Variants in SLC8A3 observed in about 807,000 individuals in gnomAD.
The protein encoded by SLC8A3 is solute carrier family 8 member A3, also known as sodium/calcium exchanger 3.
Under a neutral mutation model 65.4 loss-of-function variants are expected in SLC8A3, and 37 were observed. That is an observed-to-expected ratio of 0.57 (90% confidence interval 0.44 to 0.74). The LOEUF (loss-of-function observed/expected upper bound fraction) is 0.74, where lower values mean the gene tolerates loss of function less well. Ranked by LOEUF, SLC8A3 falls within the 30% of genes least tolerant of loss-of-function variation. The probability of loss-of-function intolerance (pLI) is 0.00; values close to 1 mark genes in which losing one functional copy is unlikely to be tolerated. For synonymous variants in SLC8A3, 461 were observed against 444.5 expected (o/e 1.04, Z -0.47); for missense variants, 1,112 against 1,172.1 (o/e 0.95, Z 0.75).
At chr14:70,055,737 A>G in intron 3 of SLC8A3, 1 of 1,512,820 alleles carries the variant, frequency 6.6e-7, no homozygotes, top group Non-Finnish European at 9.0e-7. Flanking sequence ...TTGGTCTTAA[A>G]CCAAATAATG....
intron 2 of SLC8A3, among the ~76,000 whole-genome samples, chr14:70,129,735 A>C (rs1373477561): frequency 6.6e-6 from 1 of 152,190 alleles, no homozygotes; most frequent in Non-Finnish European, 1.5e-5. Flanking sequence ...CAGTGGTCTT[A>C]CTTAGAAAAC....
chr14:70,122,222 T>G (rs2140186336), intron 2 of SLC8A3, among the ~76,000 whole-genome samples: 1 of 152,302 alleles, frequency 6.6e-6, no homozygotes, highest in Middle Eastern at 3.4e-3. Flanking sequence ...CGTTTATTGC[T>G]CCCACTCCCA....
At chr14:70,063,573 G>A (rs4902771) in intron 2 of SLC8A3, among the ~76,000 whole-genome samples, 13,181 of 152,196 alleles carry the variant, frequency 0.087, 979 homozygotes, top group East Asian at 0.41. Context: ...AATTACCATC[G>A]GTCTTGAGCA....
At chr14:70,115,331 A>G (rs1029948070) in intron 2 of SLC8A3, among the ~76,000 whole-genome samples, 4 of 152,204 alleles carry the variant, frequency 2.6e-5, no homozygotes, top group African/African-American at 9.6e-5. Flanking sequence ...ATAAAGTGCT[A>G]AAGAAATTAC....
intron 1 of SLC8A3, among the ~76,000 whole-genome samples, chr14:70,174,156 T>C (rs1897719785): frequency 6.6e-6 from 1 of 152,196 alleles, no homozygotes; most frequent in Non-Finnish European, 1.5e-5. Context: ...GCTTGACACA[T>C]ACCCTAGGTT....
At chr14:70,140,023 G>A (rs550900229) in intron 2 of SLC8A3, among the ~76,000 whole-genome samples, 2 of 150,342 alleles carry the variant, frequency 1.3e-5, no homozygotes, top group Non-Finnish European at 2.9e-5. Context: ...TTGTGGTTTT[G>A]CCATGACTTT....
intron 1 of SLC8A3, among the ~76,000 whole-genome samples, chr14:70,183,960 C>A (rs1481123227): frequency 6.6e-6 from 1 of 152,192 alleles, no homozygotes; most frequent in Non-Finnish European, 1.5e-5. Context: ...CCCAGCAAGC[C>A]TTTGTCTCCT....
At chr14:70,180,015 G>T (rs1201552851) in intron 1 of SLC8A3, among the ~76,000 whole-genome samples, 1 of 152,178 alleles carries the variant, frequency 6.6e-6, no homozygotes, top group Non-Finnish European at 1.5e-5. Context: ...GCAACTGAAA[G>T]GAAGTCAGGG....
chr14:70,171,836 G>A (rs1261760095), intron 1 of SLC8A3, among the ~76,000 whole-genome samples: 2 of 151,438 alleles, frequency 1.3e-5, no homozygotes, highest in Non-Finnish European at 1.5e-5. Context: ...GCAAGGCGGT[G>A]AGATGGCTAG....
At chr14:70,147,584 G>C (rs1489337748) in intron 2 of SLC8A3, among the ~76,000 whole-genome samples, 1 of 152,148 alleles carries the variant, frequency 6.6e-6, no homozygotes, top group Non-Finnish European at 1.5e-5. Flanking sequence ...TTGACTTTAA[G>C]GGAAACTGTC....
At chr14:70,102,218 G>A (rs1892593741) in intron 2 of SLC8A3, among the ~76,000 whole-genome samples, 1 of 152,188 alleles carries the variant, frequency 6.6e-6, no homozygotes, top group Non-Finnish European at 1.5e-5. Flanking sequence ...AGAAATAAAT[G>A]TGATAGAAGT....
chr14:70,176,369 T>C (rs1398771370), intron 1 of SLC8A3, among the ~76,000 whole-genome samples: 2 of 152,220 alleles, frequency 1.3e-5, no homozygotes, highest in East Asian at 1.9e-4. Flanking sequence ...TGAATAACCA[T>C]GGAGTTCTAA....
chr14:70,151,512 G>A (rs1350996223), intron 2 of SLC8A3, among the ~76,000 whole-genome samples: 1 of 62,912 alleles, frequency 1.6e-5, no homozygotes, highest in Non-Finnish European at 3.2e-5. Context: ...CTGTGGGTCA[G>A]CGTCCTGAGG....
At chr14:70,185,767 C>A (rs1035562778) in intron 1 of SLC8A3, among the ~76,000 whole-genome samples, 2 of 152,128 alleles carry the variant, frequency 1.3e-5, no homozygotes, top group Non-Finnish European at 2.9e-5. Flanking sequence ...TAGAGGTGTG[C>A]CTGGCATTAC....
Position 70,167,800 on chromosome 14 carries a change from G to T in SLC8A3, c.623C>A (p.Ala208Asp), listed in dbSNP as rs767788178. 6.2e-7 allele frequency: 1 copy of T among 1,614,142 alleles called. No individual in the cohort carries two copies. The change falls in exon 2 of 7, where the codon GCT (alanine) becomes GAT (aspartate). Residue 208 changes from alanine (A) to aspartate (D), a missense_variant. Coordinates refer to ENST00000356921, the MANE Select transcript of SLC8A3 (RefSeq NM_182932.3). ...CCAGATGTAGGCAAAGATACTCCAA[G>T]CAGCGGTGATGAAGAAGACTCGTAG... ...KHLRVFFITAAWSIFAYIWLY... is the reference protein window; with the variant it reads ...KHLRVFFITADWSIFAYIWLY...
chr14:70,132,203 T>C (rs1894883257), intron 2 of SLC8A3, among the ~76,000 whole-genome samples: 1 of 152,176 alleles, frequency 6.6e-6, no homozygotes, highest in South Asian at 2.1e-4. Flanking sequence ...ACTTCTTGCT[T>C]GATTAGAATG....
chr14:70,120,280 A>G (rs1225412173), intron 2 of SLC8A3, among the ~76,000 whole-genome samples: 2 of 152,238 alleles, frequency 1.3e-5, no homozygotes, highest in Non-Finnish European at 2.9e-5. Flanking sequence ...TACCATGGCT[A>G]TTATTGGTAA....
intron 1 of SLC8A3, among the ~76,000 whole-genome samples, chr14:70,182,448 G>A (rs1882833447): frequency 6.6e-6 from 1 of 152,118 alleles, no homozygotes; most frequent in South Asian, 2.1e-4. Flanking sequence ...AGTGGAAGTG[G>A]AAGAGGGGCC....
At chr14:70,099,516 A>G (rs1218539793) in intron 2 of SLC8A3, among the ~76,000 whole-genome samples, 3 of 152,224 alleles carry the variant, frequency 2.0e-5, no homozygotes, top group Admixed American at 6.5e-5. Context: ...TCCCAATTGT[A>G]AAGTTGGGCT....
Sources: allele counts gnomAD v4.1 joint callset (sites outside exome capture counted in the v4.1 genomes callset), GRCh38; gene constraint gnomAD v4.1.1; transcripts MANE v1.5; gene names NCBI Gene and HGNC (gene_info 2026-07-23, HGNC 2026-07-21).